Variants in PDE10A observed in about 807,000 individuals in gnomAD.
PDE10A encodes the protein cAMP and cAMP-inhibited cGMP 3',5'-cyclic phosphodiesterase 10A.
Under a neutral mutation model 97.7 loss-of-function variants are expected in PDE10A, and 39 were observed. The ratio of observed to expected loss-of-function variants is 0.40; its 90% CI spans 0.31 to 0.52. The LOEUF (loss-of-function observed/expected upper bound fraction) is 0.52. PDE10A is among the 20% of genes least tolerant of loss of function. The pLI is 0.56. For missense variants in PDE10A, 731 were observed against 1,047.8 expected, an observed-to-expected ratio of 0.70 and a Z score of 4.17; for synonymous variants, 371 against 376.8, an observed-to-expected ratio of 0.98 and a Z score of 0.18.
rs1329051051 is a variant in PDE10A, at chr6:165,655,813, T to C, written c.865+6134A>G. Among the ~76,000 whole-genome samples, 2 of 152,082 alleles carry C rather than the reference T, an allele frequency of 1.3e-5. No individual in the cohort carries two copies. Among genetic ancestry groups the C allele is most frequent in the African/African-American group, 4.8e-5 (2 of 41,420 alleles). Reference sequence around the variant, plus strand: ...CTGACAAAGCCTTCATCCGGCCCATTTGCCACTTCACTTGCCACTGCCTGG... The same window carrying C: ...CTGACAAAGCCTTCATCCGGCCCATCTGCCACTTCACTTGCCACTGCCTGG... On this transcript the variant is annotated intron_variant, in intron 1 of 21. Transcript: ENST00000539869. The surrounding 1 kb of genome is among the most constrained non-coding windows in gnomAD (Gnocchi z 4.5).
chr6:165,941,604 T>C (rs1342178623), intron 1 of PDE10A, among the ~76,000 whole-genome samples: 1 of 152,090 alleles, frequency 6.6e-6, no homozygotes, highest in African/African-American at 2.4e-5. Flanking sequence ...CGAGATTTGG[T>C]CACTTAAAAG....
At chr6:165,514,645 G>A (rs1365281110) in intron 2 of PDE10A, among the ~76,000 whole-genome samples, 1 of 152,178 alleles carries the variant, frequency 6.6e-6, no homozygotes, top group Non-Finnish European at 1.5e-5. Flanking sequence ...GCTAGGTGCT[G>A]GCCCCCGAAA....
chr6:165,431,431 A>G lies in PDE10A; in HGVS notation c.1533T>C (p.His511=), dbSNP rs1179784347. ...ANLAWASVAI[H]QVQVCRGLAK... ...CACCCCAAAGACTCACCTGCACCTG[A>G]TGTATTGCTACTGAAGCCCAGGCAA... The change falls in exon 8 of 22, where the codon CAT becomes CAC. Residue 511 remains histidine (H), a synonymous_variant. Transcript: ENST00000539869. 1 of 1,599,404 alleles carries G rather than the reference A, an allele frequency of 6.3e-7. No individual in the cohort carries two copies. Among genetic ancestry groups the G allele is most frequent in the Non-Finnish European group, 8.5e-7 (1 of 1,171,348 alleles).
chr6:165,886,253 G>T (rs1050415847), intron 1 of PDE10A, among the ~76,000 whole-genome samples: 1 of 148,806 alleles, frequency 6.7e-6, no homozygotes, highest in African/African-American at 2.5e-5. Context: ...TGCAGACCTG[G>T]AGTCCTGGAA....
At chr6:165,770,641 C>A (rs1777979603) in intron 1 of PDE10A, among the ~76,000 whole-genome samples, 1 of 152,158 alleles carries the variant, frequency 6.6e-6, no homozygotes, top group African/African-American at 2.4e-5. Flanking sequence ...GCCTGGGGAG[C>A]GACTCAAGAA....
At chr6:165,964,089 T>C (rs1042597324) in intron 1 of PDE10A, among the ~76,000 whole-genome samples, 1 of 152,214 alleles carries the variant, frequency 6.6e-6, no homozygotes, top group African/African-American at 2.4e-5. Context: ...TTTTCTCTCT[T>C]TTATTGCCAA....
intron 11 of PDE10A, among the ~76,000 whole-genome samples, chr6:165,416,502 C>T (rs150919113): frequency 2.3e-3 from 343 of 152,300 alleles, no homozygotes; most frequent in African/African-American, 7.9e-3. Flanking sequence ...AATATTAACT[C>T]ACAAACTGAG....
intron 1 of PDE10A, among the ~76,000 whole-genome samples, chr6:165,695,863 T>C (rs773664816): frequency 2.0e-5 from 3 of 152,170 alleles, no homozygotes; most frequent in Admixed American, 6.5e-5. Context: ...CCTTAGAAAC[T>C]GTTCCTTCCA....
At chr6:165,491,710 T>C (rs1240171424) in intron 2 of PDE10A, among the ~76,000 whole-genome samples, 5 of 151,844 alleles carry the variant, frequency 3.3e-5, no homozygotes, top group African/African-American at 1.2e-4. Context: ...ACAGCAAAAG[T>C]GGTACTAAGA....
chr6:165,533,324 AC>A (rs1166077359), intron 2 of PDE10A, among the ~76,000 whole-genome samples: 1 of 152,162 alleles, frequency 6.6e-6, no homozygotes, highest in African/African-American at 2.4e-5. Flanking sequence ...AGTGACTTGC[AC>A]AAACCTAGAT....
At chr6:165,433,491 G>T (rs890608590) in intron 6 of PDE10A, among the ~76,000 whole-genome samples, 6 of 151,926 alleles carry the variant, frequency 3.9e-5, no homozygotes, top group African/African-American at 1.2e-4. Context: ...AATGCCGCAG[G>T]GAAAATTACT....
chr6:165,589,121 C>A (rs2128382467), intron 1 of PDE10A, among the ~76,000 whole-genome samples: 1 of 152,204 alleles, frequency 6.6e-6, no homozygotes, highest in South Asian at 2.1e-4. Flanking sequence ...TGCTGAAGTC[C>A]AAAAAATAAA....
intron 1 of PDE10A, among the ~76,000 whole-genome samples, chr6:165,915,457 T>C (rs1157083239): frequency 2.0e-5 from 3 of 152,206 alleles, no homozygotes; most frequent in African/African-American, 7.2e-5. Context: ...AGGGAGTGGC[T>C]GTTACACCTG....
At chr6:165,861,537 C>A (rs1321294304) in intron 1 of PDE10A, among the ~76,000 whole-genome samples, 1 of 151,904 alleles carries the variant, frequency 6.6e-6, no homozygotes, top group Admixed American at 6.5e-5. Context: ...GGGCAGGCTG[C>A]AGTCAGCAGC....
At chr6:165,907,511 G>A (rs548025255) in intron 1 of PDE10A, among the ~76,000 whole-genome samples, 50 of 152,370 alleles carry the variant, frequency 3.3e-4, no homozygotes, top group Middle Eastern at 3.4e-3. Flanking sequence ...ACTCTGCAAA[G>A]AGGAGCTCTG....
chr6:165,877,975 C>A (rs778979498), intron 1 of PDE10A, among the ~76,000 whole-genome samples: 1 of 152,136 alleles, frequency 6.6e-6, no homozygotes, highest in Non-Finnish European at 1.5e-5. Context: ...ACGGGTCTTT[C>A]CAGAGAAAAG....
chr6:165,425,652 T>C (rs1356699053), intron 10 of PDE10A, among the ~76,000 whole-genome samples: 1 of 152,150 alleles, frequency 6.6e-6, no homozygotes, highest in African/African-American at 2.4e-5. Context: ...ACTTTGCCAC[T>C]TCTTTTCAGT....
chr6:165,359,565 T>C (rs546490687), intron 18 of PDE10A, among the ~76,000 whole-genome samples: 1 of 152,286 alleles, frequency 6.6e-6, no homozygotes, highest in South Asian at 2.1e-4. Context: ...ATTCTGCATT[T>C]TTTCACTCCT....
At chr6:165,535,619 G>A (rs1197719809) in intron 2 of PDE10A, among the ~76,000 whole-genome samples, 2 of 151,082 alleles carry the variant, frequency 1.3e-5, no homozygotes, top group Non-Finnish European at 3.0e-5. Context: ...GTGTGTGTGT[G>A]TACACACACA....
Sources: allele counts gnomAD v4.1 joint callset (sites outside exome capture counted in the v4.1 genomes callset), GRCh38; gene constraint gnomAD v4.1.1; non-coding constraint Gnocchi (gnomAD v3.1); transcripts MANE v1.5; gene names NCBI Gene and HGNC (gene_info 2026-07-23, HGNC 2026-07-21).